TMEM114: variants seen among roughly 807,000 people sequenced by gnomAD.
TMEM114 encodes the protein transmembrane protein 114.
A neutral mutation model predicts 6.2 loss-of-function variants in TMEM114; 6 were observed. The observed-to-expected ratio is 0.97, with a 90% CI of 0.53 to 1.91. The LOEUF is 1.91. Ranked by LOEUF, TMEM114 falls within the 40% of genes most tolerant of loss-of-function variation. The pLI is 0.01. For synonymous variants in TMEM114, 104 were observed against 73.0 expected (o/e 1.42, Z -2.16); for missense variants, 218 against 158.3 (o/e 1.38, Z -2.02).
chr16:8,570,036 ATCCCCCACCCCGCCCCAGCACTCCCC>A (rs1190637475), intron 3 of TMEM114, 31 bp from the exon 4 acceptor site: 1 of 1,530,128 alleles, frequency 6.5e-7, no homozygotes. Flanking sequence ...GAGCAGATCA[ATCCCCCACCCCGCCCCAGCACTCCCC>A]TCCTCCTCCT....
At position 8,554,835 on chromosome 16, in the gene TMEM114, C is replaced by T. The variant is rs555008180; in HGVS notation, n.213-17009G>A. ...CTGAGGGTAGGCACTGATGTTAGTGCTGTCTTAAGGATGAGGAAGTTGAGG... is the reference window on the plus strand; with the variant it reads ...CTGAGGGTAGGCACTGATGTTAGTGTTGTCTTAAGGATGAGGAAGTTGAGG... On this transcript the variant is annotated intron_variant and non_coding_transcript_variant, in intron 2 of 2. Coordinates refer to the TMEM114 transcript ENST00000623677. Among the ~76,000 whole-genome samples, 17 of 152,312 alleles carry T rather than the reference C, an allele frequency of 1.1e-4. No homozygotes were observed. In the East Asian group the frequency reaches 2.5e-3, roughly 23 times the overall value.
chr16:8,542,960 C>T (rs1900558266), intron 2 of TMEM114, among the ~76,000 whole-genome samples: 1 of 152,148 alleles, frequency 6.6e-6, no homozygotes, highest in Non-Finnish European at 1.5e-5. Flanking sequence ...ACATAATTAC[C>T]CTACAAGCAA....
intron 2 of TMEM114, among the ~76,000 whole-genome samples, chr16:8,540,453 T>C (rs1044486812): frequency 6.6e-6 from 1 of 152,152 alleles, no homozygotes; most frequent in Non-Finnish European, 1.5e-5. Flanking sequence ...AAGTGTTCAA[T>C]GAAATAATGC....
chr16:8,553,088 A>G (rs1900897276), intron 2 of TMEM114, among the ~76,000 whole-genome samples: 1 of 151,878 alleles, frequency 6.6e-6, no homozygotes, highest in Non-Finnish European at 1.5e-5. Flanking sequence ...TTTGTTGCTC[A>G]CCCTTTGCTT....
chr16:8,578,670 C>T (rs8047196), intron 2 of TMEM114, among the ~76,000 whole-genome samples: 33,277 of 151,898 alleles, frequency 0.22, 4,302 homozygotes, highest in Non-Finnish European at 0.29. Context: ...GGTTATTACA[C>T]GGAATTACTA....
At chr16:8,529,680 C>G in the TMEM114 span, among the ~76,000 whole-genome samples, 3 of 151,328 alleles carry the variant, frequency 2.0e-5, no homozygotes, top group Non-Finnish European at 4.4e-5. Flanking sequence ...ATTGGGCTTA[C>G]TAGTAGTTCT....
At chr16:8,535,008 G>C (rs561222771), downstream of TMEM114, among the ~76,000 whole-genome samples, 1 of 152,120 alleles carries the variant, frequency 6.6e-6, no homozygotes, top group Non-Finnish European at 1.5e-5. Flanking sequence ...TTCTCCTAAC[G>C]TCAAGACTCG....
At chr16:8,545,196 G>A (rs576905700) in intron 2 of TMEM114, among the ~76,000 whole-genome samples, 1 of 152,080 alleles carries the variant, frequency 6.6e-6, no homozygotes, top group African/African-American at 2.4e-5. Flanking sequence ...CCAACACTTT[G>A]GGAGGCCAAG....
downstream of TMEM114, among the ~76,000 whole-genome samples, chr16:8,564,604 AG>A (rs1901455417): frequency 6.6e-6 from 1 of 150,670 alleles, no homozygotes; most frequent in Admixed American, 6.6e-5. Flanking sequence ...TGACGGAGGG[AG>A]GGAATGAGTG....
intron 2 of TMEM114, among the ~76,000 whole-genome samples, chr16:8,540,426 A>G (rs925921688): frequency 2.0e-5 from 3 of 152,192 alleles, no homozygotes; most frequent in African/African-American, 7.2e-5. Context: ...ATTGCATTGA[A>G]TTCATCAGAT....
chr16:8,537,410 A>T (rs550396209), downstream of TMEM114, among the ~76,000 whole-genome samples: 30 of 152,298 alleles, frequency 2.0e-4, no homozygotes, highest in African/African-American at 6.7e-4. Context: ...CTGAGGCAGA[A>T]GAATGGCTTG....
intron 2 of TMEM114, among the ~76,000 whole-genome samples, chr16:8,538,133 C>CAAAAA (rs59194084): frequency 0.026 from 2,008 of 76,202 alleles, 216 homozygotes; most frequent in Non-Finnish European, 0.035. Context: ...ACTGTCTCTA[C>CAAAAA]AAAAAAAAAA....
intron 2 of TMEM114, among the ~76,000 whole-genome samples, chr16:8,574,975 A>C (rs1238146837): frequency 6.6e-6 from 1 of 152,164 alleles, no homozygotes; most frequent in African/African-American, 2.4e-5. Context: ...ATTGATTCCA[A>C]GTTCTGTTCT....
intron 2 of TMEM114, among the ~76,000 whole-genome samples, chr16:8,576,652 GAA>G (rs1901938774): frequency 2.0e-5 from 3 of 151,708 alleles, no homozygotes; most frequent in African/African-American, 7.3e-5. Context: ...ACAGAACCTA[GAA>G]TGTAGTACAT....
chr16:8,550,784 C>G (rs891814776), intron 2 of TMEM114, among the ~76,000 whole-genome samples: 2 of 152,000 alleles, frequency 1.3e-5, no homozygotes, highest in Admixed American at 6.6e-5. Context: ...ACCTCCTGCC[C>G]ACTCCCATAT....
At chr16:8,566,459 C>T (rs1901549069), downstream of TMEM114, among the ~76,000 whole-genome samples, 1 of 146,374 alleles carries the variant, frequency 6.8e-6, no homozygotes, top group Admixed American at 7.0e-5. Flanking sequence ...CAGAATGGAT[C>T]AGAACACAAC....
rs1276688608 is a variant in TMEM114 at position 8,572,232 on chromosome 16, G to C, written c.302-8C>G. ...CAAATGTCCCATGCATGGCTTAGAA[G>C]AGACAGAGAGGATACCAGGCAGAGG... On this transcript the variant is annotated splice_region_variant and splice_polypyrimidine_tract_variant and intron_variant, in intron 2 of 3. Coordinates refer to ENST00000620492, the MANE Select transcript of TMEM114 (RefSeq NM_001146336.2). The C allele has an allele frequency of 1.3e-6, 2 of 1,551,650 alleles. No individual in the cohort carries two copies. Among genetic ancestry groups the C allele is most frequent in the East Asian group, 4.9e-5 (2 of 40,912 alleles).
downstream of TMEM114, among the ~76,000 whole-genome samples, chr16:8,536,560 G>C (rs192931447): frequency 6.6e-6 from 1 of 152,290 alleles, no homozygotes; most frequent in East Asian, 1.9e-4. Flanking sequence ...TCAATAAATT[G>C]CTTAAACAAA....
chr16:8,556,793 G>A (rs199620825), intron 2 of TMEM114, among the ~76,000 whole-genome samples: 8 of 152,206 alleles, frequency 5.3e-5, no homozygotes, highest in East Asian at 1.9e-4. Flanking sequence ...GTGAGCCACC[G>A]CGCCTGACCC....
Sources: gnomAD v4.1 joint callset for allele counts (sites outside exome capture counted in the v4.1 genomes callset) on GRCh38, gnomAD v4.1.1 for gene constraint, MANE v1.5 for transcripts, NCBI Gene and HGNC (gene_info 2026-07-23, HGNC 2026-07-21) for gene names.